Variants in FAM200C observed in about 807,000 individuals in gnomAD.
chr5:160,393,683 AT>A, the FAM200C span: 1 of 1,436,128 alleles, frequency 7.0e-7, no homozygotes, highest in African/African-American at 1.4e-5. Flanking sequence ...GATTGAAATT[AT>A]TCATTAAAAA....
the FAM200C span, chr5:160,393,890 AT>A: frequency 2.6e-5 from 42 of 1,614,006 alleles, no homozygotes; most frequent in Admixed American, 5.0e-5. Flanking sequence ...TGGCATAAGG[AT>A]TTCTAGAGCT....
chr5:160,398,827 C>A, the FAM200C span, among the ~76,000 whole-genome samples: 8 of 152,102 alleles, frequency 5.3e-5, no homozygotes, highest in African/African-American at 1.9e-4. Flanking sequence ...TCCTAAAAAA[C>A]GTAAACATTA....
chr5:160,393,306 A>G, the FAM200C span: 1 of 174,812 alleles, frequency 5.7e-6, no homozygotes, highest in Non-Finnish European at 1.2e-5. Flanking sequence ...TTCTGATTTC[A>G]TTAACCTCTC....
the FAM200C span, chr5:160,397,382 T>C: frequency 6.6e-6 from 1 of 152,240 alleles, no homozygotes; most frequent in South Asian, 2.1e-4. Context: ...CCATATCTTT[T>C]CTCTTTCTCT....
the FAM200C span, among the ~76,000 whole-genome samples, chr5:160,399,044 G>A: frequency 6.6e-6 from 1 of 152,090 alleles, no homozygotes; most frequent in Admixed American, 6.6e-5. Flanking sequence ...GCCTTAAGTT[G>A]GTAACTCTTG....
chr5:160,394,387 T>C, the FAM200C span: 1 of 1,613,522 alleles, frequency 6.2e-7, no homozygotes, highest in Non-Finnish European at 8.5e-7. Context: ...TTTTAAACTC[T>C]TTATTTTCAA....
chr5:160,394,924 C>T, the FAM200C span: 2 of 1,613,186 alleles, frequency 1.2e-6, no homozygotes, highest in Non-Finnish European at 1.7e-6. Context: ...GCACAAATGC[C>T]ATTAGCTGAC....
the FAM200C span, among the ~76,000 whole-genome samples, chr5:160,398,469 G>A: frequency 6.6e-6 from 1 of 152,184 alleles, no homozygotes; most frequent in Non-Finnish European, 1.5e-5. Context: ...CTGGGAGGCA[G>A]AGGTTGCAGT....
chr5:160,395,114 A>C, the FAM200C span: 1 of 1,614,026 alleles, frequency 6.2e-7, no homozygotes, highest in Non-Finnish European at 8.5e-7. Context: ...TCCCAAAACT[A>C]TTTGTGCTAT....
the FAM200C span, among the ~76,000 whole-genome samples, chr5:160,399,208 A>G: frequency 6.6e-6 from 1 of 152,248 alleles, no homozygotes; most frequent in African/African-American, 2.4e-5. Context: ...TGCTTAATGA[A>G]AGATCTGATA....
At chr5:160,399,992 G>GGA in the FAM200C span, 7 of 152,448 alleles carry the variant, frequency 4.6e-5, no homozygotes, top group Admixed American at 4.6e-4. Flanking sequence ...CGGTGCGCCT[G>GGA]GAGAGAGAAG....
the FAM200C span, among the ~76,000 whole-genome samples, chr5:160,398,101 G>A: frequency 6.6e-6 from 1 of 152,168 alleles, no homozygotes; most frequent in Non-Finnish European, 1.5e-5. Flanking sequence ...AATTAGCTGG[G>A]TGTGGTGGCG....
At chr5:160,394,176 C>T in the FAM200C span, 3 of 1,611,818 alleles carry the variant, frequency 1.9e-6, no homozygotes, top group African/African-American at 1.3e-5. Context: ...AATATGCCTT[C>T]ATTATCTGAA....
the FAM200C span, chr5:160,393,829 G>T: frequency 1.5e-5 from 24 of 1,612,406 alleles, no homozygotes; most frequent in African/African-American, 2.9e-4. Context: ...ACTTTGTTTT[G>T]AAATGTAAAA....
the FAM200C span, chr5:160,394,618 C>G: frequency 2.5e-6 from 4 of 1,614,112 alleles, 2 homozygotes; most frequent in South Asian, 4.4e-5. Context: ...CCACAGTAAA[C>G]AGAGCATCCC....
chr5:160,398,788 C>A, the FAM200C span, among the ~76,000 whole-genome samples: 6 of 152,078 alleles, frequency 3.9e-5, no homozygotes, highest in African/African-American at 1.2e-4. Context: ...TTTGCACTTG[C>A]GCTTTTGTGG....
chr5:160,393,646 T>C, the FAM200C span: 1 of 1,231,080 alleles, frequency 8.1e-7, no homozygotes, highest in Admixed American at 2.6e-5. Flanking sequence ...GAGACAGAAT[T>C]ACAGCTTAAT....
chr5:160,398,070 T>C, the FAM200C span, among the ~76,000 whole-genome samples: 3 of 152,034 alleles, frequency 2.0e-5, no homozygotes, highest in Non-Finnish European at 2.9e-5. Context: ...AGTGAAACTC[T>C]GTCTCTACTA....
chr5:160,397,126 A>G, the FAM200C span, among the ~76,000 whole-genome samples: 2 of 152,236 alleles, frequency 1.3e-5, no homozygotes, highest in African/African-American at 4.8e-5. Context: ...CTTAGAACTA[A>G]TACATATCTT....
Sources: gnomAD v4.1 joint callset for allele counts (sites outside exome capture counted in the v4.1 genomes callset) on GRCh38, gnomAD v4.1.1 for gene constraint, MANE v1.5 for transcripts.